Variants in POLQ observed in about 807,000 individuals in gnomAD.
The protein encoded by POLQ is epididymis secretory sperm binding protein.
Under a neutral mutation model 259.2 loss-of-function variants are expected in POLQ, and 233 were observed. The observed-to-expected ratio is 0.90, with a 90% CI of 0.81 to 1.00. The LOEUF is 1.00. POLQ is among the 50% of genes least tolerant of loss of function. The pLI is 0.00. For synonymous variants in POLQ, 1,025 were observed against 1,048.8 expected, an observed-to-expected ratio of 0.98 and a Z score of 0.44; for missense variants, 2,871 against 3,051.6, an observed-to-expected ratio of 0.94 and a Z score of 1.39.
At position 121,489,860 on chromosome 3, in the gene POLQ, TTTG is replaced by T. The variant is rs763014303; in HGVS notation, c.3068_3070del (p.Thr1023del). 4 of 1,601,254 alleles carry T rather than the reference TTTG, an allele frequency of 2.5e-6. No homozygotes were observed. The highest frequency in any genetic ancestry group is 3.4e-6 in the Non-Finnish European group (4 of 1,174,106). ...TGAATTGAAATTCAAAGGTGCCTTT[TTTG>T]TTTTCTGTGAAAAAGTCTGAACAAC... On this transcript the variant is annotated inframe_deletion, in exon 16 of 30. Coordinates refer to ENST00000264233, the MANE Select transcript of POLQ (RefSeq NM_199420.4).
rs879170604 is a variant in POLQ, at chr3:121,487,665, G to A, written c.5266C>T (p.Pro1756Ser). Residue 1756 changes from proline (P) to serine (S), a missense_variant, in exon 16 of 30, where the codon CCT (proline) becomes TCT (serine). Around this residue, in one of 3 missense-constraint regions of POLQ, gnomAD observed 2,080 missense variants for 2,126.0 expected, o/e 0.98. Transcript: ENST00000264233. Reference sequence around the variant, plus strand: ...TTATTAGTTTTCCAAGGGTTTACAGGTGTTTCAAGAATCCCTGGAAATGTC... The same window carrying A: ...TTATTAGTTTTCCAAGGGTTTACAGATGTTTCAAGAATCCCTGGAAATGTC... ...KLTFPGILET[P>S]VNPWKTNNVL... 6 of 1,613,636 alleles carry A rather than the reference G, an allele frequency of 3.7e-6. No homozygotes were observed. The highest frequency in any genetic ancestry group is 2.2e-5 in the East Asian group (1 of 44,862).
intron 9 of POLQ, among the ~76,000 whole-genome samples, chr3:121,512,453 C>T (rs1163831604): frequency 2.6e-5 from 4 of 152,192 alleles, no homozygotes; most frequent in African/African-American, 9.6e-5. Flanking sequence ...CTTCTATCTT[C>T]CATTAGTTTG....
intron 25 of POLQ, among the ~76,000 whole-genome samples, chr3:121,451,250 G>A (rs569231760): frequency 2.0e-5 from 3 of 152,256 alleles, no homozygotes; most frequent in Admixed American, 6.5e-5. Context: ...CCTTTAGCTC[G>A]GAGAAGTTTG....
In POLQ at chr3:121,509,551, C is replaced by T. The variant is rs1232037233; in HGVS notation, c.1959+10G>A. 1.9e-6 allele frequency: 3 copies of T among 1,601,328 alleles called. 1 individual carries two copies. ...ATTTTCACAAACATAATTGTTAAAA[C>T]AGAACTTACCAGATAGAGAATATGA... is the stretch of plus-strand genomic sequence containing the variant. On this transcript the variant is annotated intron_variant, in intron 12 of 29. Coordinates refer to ENST00000264233, the MANE Select transcript of POLQ (RefSeq NM_199420.4).
rs191284709 is a variant in POLQ, at chr3:121,531,530, A to G, written c.960+1460T>C. 3.1e-3 allele frequency among the ~76,000 whole-genome samples: 473 copies of G among 152,374 alleles called. 2 individuals carry two copies. Among genetic ancestry groups the G allele is most frequent in the African/African-American group, 0.011 (452 of 41,580 alleles). On this transcript the variant is annotated intron_variant, in intron 6 of 29. Coordinates refer to ENST00000264233, the MANE Select transcript of POLQ (RefSeq NM_199420.4). ...TGTAGGACCTTATAGACTACTAAGAAGACACTGGCTTTTATTCTAAATGAA... is the reference window on the plus strand; with the variant it reads ...TGTAGGACCTTATAGACTACTAAGAGGACACTGGCTTTTATTCTAAATGAA...
At position 121,487,889 on chromosome 3, in the gene POLQ, ACTT is replaced by A; in HGVS notation, c.5039_5041del (p.Glu1680del). On this transcript the variant is annotated inframe_deletion, in exon 16 of 30. Coordinates refer to ENST00000264233, the MANE Select transcript of POLQ (RefSeq NM_199420.4). ...TTGTTTTGTCTCCAAGTTTGAAATA[ACTT>A]CTTGTTCTTCATTTAACTCTGTATT... is the stretch of plus-strand genomic sequence containing the variant. The A allele has an allele frequency of 6.2e-7, 1 of 1,609,534 alleles. No individual in the cohort carries two copies. The highest frequency in any genetic ancestry group is 8.5e-7 in the Non-Finnish European group (1 of 1,178,078).
chr3:121,508,264 A>G (rs1318079641), intron 12 of POLQ, among the ~76,000 whole-genome samples: 1 of 152,216 alleles, frequency 6.6e-6, no homozygotes, highest in African/African-American at 2.4e-5. Context: ...TTCACGTTTT[A>G]GAGAGGGAAC....
chr3:121,521,303 G>C (rs2048334784), intron 8 of POLQ, among the ~76,000 whole-genome samples: 1 of 152,130 alleles, frequency 6.6e-6, no homozygotes, highest in Admixed American at 6.5e-5. Flanking sequence ...AGTATATAGA[G>C]GGTTTGGTAC....
At chr3:121,473,900 T>C (rs1342731839) in intron 20 of POLQ, among the ~76,000 whole-genome samples, 4 of 152,070 alleles carry the variant, frequency 2.6e-5, no homozygotes, top group Non-Finnish European at 5.9e-5. Context: ...CTAATTTTTG[T>C]ATCTTTGGTA....
intron 5 of POLQ, among the ~76,000 whole-genome samples, chr3:121,535,018 CTG>C (rs1456637516): frequency 6.6e-6 from 1 of 152,160 alleles, no homozygotes; most frequent in East Asian, 1.9e-4. Context: ...AGGTACTCTG[CTG>C]TTTTGAGGTA....
intron 25 of POLQ, among the ~76,000 whole-genome samples, chr3:121,455,902 G>A (rs532592838): frequency 7.7e-6 from 1 of 130,684 alleles, no homozygotes; most frequent in African/African-American, 2.9e-5. Context: ...GCATCATCCT[G>A]ATACCAAAGC....
At chr3:121,485,275 T>A in intron 16 of POLQ, 91 bp from the exon 17 acceptor site, 1 of 824,072 alleles carries the variant, frequency 1.2e-6, no homozygotes, top group Non-Finnish European at 1.8e-6. Flanking sequence ...AAACCTATCT[T>A]TGATAGGCAA....
intron 24 of POLQ, among the ~76,000 whole-genome samples, chr3:121,465,916 G>A (rs182052096): frequency 2.6e-5 from 4 of 152,200 alleles, no homozygotes; most frequent in East Asian, 1.9e-4. Context: ...TCTCTCTCAC[G>A]TTAAACCAAA....
intron 16 of POLQ, 152 bp from the exon 17 acceptor site, chr3:121,485,336 A>G (rs955930010): frequency 4.0e-6 from 2 of 504,428 alleles, no homozygotes; most frequent in African/African-American, 3.9e-5. Flanking sequence ...AAGTATAAGT[A>G]AGATCTTTCC....
intron 25 of POLQ, among the ~76,000 whole-genome samples, chr3:121,458,312 C>G (rs2047760607): frequency 6.6e-6 from 1 of 151,852 alleles, no homozygotes; most frequent in Non-Finnish European, 1.5e-5. Flanking sequence ...GTGCAGCACA[C>G]CAGCATGGCA....
In POLQ at chr3:121,516,788, T is replaced by C. The variant is rs1463011553; in HGVS notation, c.1468+3083A>G. Among the ~76,000 whole-genome samples the C allele has an allele frequency of 2.0e-5, 3 of 152,214 alleles. No homozygotes were observed. The East Asian group carries it at 5.8e-4, about 29-fold the overall frequency. ...ACACGATACAAAAAGCATGACCAAG[T>C]ATTTAAGTCTCCATAGTGAATATAA... On this transcript the variant is annotated intron_variant, in intron 9 of 29. Coordinates refer to ENST00000264233, the MANE Select transcript of POLQ (RefSeq NM_199420.4).
At chr3:121,449,576 C>A (rs754515478) in intron 25 of POLQ, 150 bp from the exon 26 acceptor site, 2 of 630,658 alleles carry the variant, frequency 3.2e-6, no homozygotes, top group Non-Finnish European at 5.8e-6. Context: ...TCCACAGAGA[C>A]TGATATCCAG....
intron 25 of POLQ, among the ~76,000 whole-genome samples, chr3:121,456,462 A>G (rs1465665425): frequency 1.2e-4 from 19 of 152,230 alleles, no homozygotes; most frequent in Non-Finnish European, 1.2e-4. Context: ...TGCAGATGAC[A>G]TGACTGTATA....
chr3:121,543,544 G>A (rs767907968), intron 2 of POLQ, among the ~76,000 whole-genome samples: 17 of 152,062 alleles, frequency 1.1e-4, no homozygotes, highest in Non-Finnish European at 2.2e-4. Flanking sequence ...TATTTAATTC[G>A]TCCTTACAGC....
Sources: allele counts gnomAD v4.1 joint callset (sites outside exome capture counted in the v4.1 genomes callset), GRCh38; gene constraint gnomAD v4.1.1; regional missense constraint gnomAD v4.1.1; transcripts MANE v1.5; gene names NCBI Gene and HGNC (gene_info 2026-07-23, HGNC 2026-07-21).